Variants in PLCH1 observed in about 807,000 individuals in gnomAD.
PLCH1 encodes the protein 1-phosphatidylinositol 4,5-bisphosphate phosphodiesterase eta-1.
A neutral mutation model predicts 126.7 loss-of-function variants in PLCH1; 60 were observed. That is an observed-to-expected ratio of 0.47 (90% confidence interval 0.38 to 0.59). The LOEUF (loss-of-function observed/expected upper bound fraction) is 0.59. PLCH1 is among the 20% of genes least tolerant of loss of function. The pLI is 0.00. For synonymous variants in PLCH1, 719 were observed against 734.9 expected (o/e 0.98, Z 0.35); for missense variants, 1,723 against 2,040.0 (o/e 0.84, Z 2.99).
At chr3:155,538,741 A>G (rs764267517) in intron 10 of PLCH1, among the ~76,000 whole-genome samples, 7 of 152,040 alleles carry the variant, frequency 4.6e-5, no homozygotes, top group African/African-American at 7.2e-5. Flanking sequence ...AAGCAGTCCG[A>G]CTGAAATGCT....
At chr3:155,604,178 T>G (rs769698003) in intron 2 of PLCH1, among the ~76,000 whole-genome samples, 8 of 151,774 alleles carry the variant, frequency 5.3e-5, no homozygotes, top group African/African-American at 1.9e-4. Context: ...ATATATAAAC[T>G]AATTATTATA....
chr3:155,645,555 C>A (rs2108872957), intron 2 of PLCH1, among the ~76,000 whole-genome samples: 1 of 152,330 alleles, frequency 6.6e-6, no homozygotes, highest in South Asian at 2.1e-4. Context: ...CAGCTTACTG[C>A]AGCCTCAACC....
At chr3:155,523,345 A>C (rs1341661637) in intron 11 of PLCH1, among the ~76,000 whole-genome samples, 2 of 152,006 alleles carry the variant, frequency 1.3e-5, no homozygotes, top group African/African-American at 4.8e-5. Context: ...AGTGAGTAAC[A>C]AACTATTCCA....
At chr3:155,713,633 C>G (rs1417182145) in intron 1 of PLCH1, among the ~76,000 whole-genome samples, 1 of 152,144 alleles carries the variant, frequency 6.6e-6, no homozygotes, top group Non-Finnish European at 1.5e-5. Flanking sequence ...GTTCATGGGA[C>G]ATAGTAAGGT....
At chr3:155,472,306 A>G (rs905529883) in intron 21 of PLCH1, among the ~76,000 whole-genome samples, 27 of 152,174 alleles carry the variant, frequency 1.8e-4, no homozygotes, top group African/African-American at 6.0e-4. Context: ...ACAACTCTAC[A>G]CAAATAAACT....
At chr3:155,673,989 C>T (rs553545488) in intron 2 of PLCH1, among the ~76,000 whole-genome samples, 1 of 152,302 alleles carries the variant, frequency 6.6e-6, no homozygotes, top group East Asian at 1.9e-4. Flanking sequence ...TTCTATCTTT[C>T]AAATGCTTTC....
intron 1 of PLCH1, among the ~76,000 whole-genome samples, chr3:155,712,914 C>T (rs1188773094): frequency 1.3e-5 from 2 of 151,508 alleles, no homozygotes; most frequent in Non-Finnish European, 2.9e-5. Context: ...AACCAATACT[C>T]CCTTTACATT....
chr3:155,695,286 T>C (rs1422368267), intron 2 of PLCH1, among the ~76,000 whole-genome samples: 3 of 152,246 alleles, frequency 2.0e-5, no homozygotes, highest in Admixed American at 1.3e-4. Flanking sequence ...GCATTTGTAA[T>C]ATACAGTCTT....
At chr3:155,708,778 G>A (rs950862068) in intron 1 of PLCH1, among the ~76,000 whole-genome samples, 12 of 151,910 alleles carry the variant, frequency 7.9e-5, no homozygotes, top group African/African-American at 2.4e-4. Flanking sequence ...CCTCCTAAGA[G>A]GTCTAGGTAA....
intron 13 of PLCH1, among the ~76,000 whole-genome samples, chr3:155,502,954 A>G (rs1718123214): frequency 6.6e-6 from 1 of 152,248 alleles, no homozygotes. Flanking sequence ...AAGTAGAAGA[A>G]ATGGCCTTAC....
intron 7 of PLCH1, among the ~76,000 whole-genome samples, chr3:155,567,104 A>T (rs1242258814): frequency 1.3e-5 from 2 of 152,030 alleles, no homozygotes; most frequent in Non-Finnish European, 2.9e-5. Flanking sequence ...ACAGAGTCTC[A>T]CTCTGTCACC....
chr3:155,670,194 G>A (rs1202838063), intron 2 of PLCH1, among the ~76,000 whole-genome samples: 2 of 151,838 alleles, frequency 1.3e-5, no homozygotes, highest in Non-Finnish European at 2.9e-5. Context: ...ACATAAAGAT[G>A]AAATGCAAAG....
chr3:155,525,510 G>A (rs1721781208), intron 10 of PLCH1, among the ~76,000 whole-genome samples: 1 of 152,102 alleles, frequency 6.6e-6, no homozygotes, highest in Non-Finnish European at 1.5e-5. Flanking sequence ...CCAGTCCAAG[G>A]TGGTTTTGTT....
chr3:155,678,724 A>C (rs1440247112), intron 2 of PLCH1, among the ~76,000 whole-genome samples: 1 of 152,122 alleles, frequency 6.6e-6, no homozygotes, highest in East Asian at 1.9e-4. Context: ...CAGCCTTAGA[A>C]TCTTTAATTT....
chr3:155,721,672 T>C (rs1054682645), intron 1 of PLCH1, among the ~76,000 whole-genome samples: 23 of 152,330 alleles, frequency 1.5e-4, no homozygotes, highest in Middle Eastern at 6.8e-3. Flanking sequence ...TTAGACTTCC[T>C]CTTTACCAAC....
chr3:155,646,040 A>G (rs1740007466), intron 2 of PLCH1, among the ~76,000 whole-genome samples: 1 of 152,010 alleles, frequency 6.6e-6, no homozygotes, highest in Non-Finnish European at 1.5e-5. Flanking sequence ...CAGGTTTGAG[A>G]GACTGATAAA....
chr3:155,697,674 A>C (rs940265562), intron 2 of PLCH1, among the ~76,000 whole-genome samples: 1 of 152,140 alleles, frequency 6.6e-6, no homozygotes, highest in Admixed American at 6.5e-5. Context: ...CGGAGAGAAG[A>C]GAAAGGGCAG....
rs1295589570 is a variant in PLCH1 at position 155,604,408 on chromosome 3, G to A, written c.80-8030C>T. 4.6e-5 allele frequency among the ~76,000 whole-genome samples: 7 copies of A among 152,186 alleles called. No homozygotes were observed. The South Asian group carries it at 1.5e-3, about 32-fold the overall frequency. On this transcript the variant is annotated intron_variant, in intron 2 of 22. Transcript: ENST00000460012. ...TTTTTTCATTGCCTAAATCATTCCT[G>A]TGGAGAAGACAAGATTATTTAAAAG...
At chr3:155,654,908 T>C (rs1310273725) in intron 2 of PLCH1, among the ~76,000 whole-genome samples, 2 of 152,232 alleles carry the variant, frequency 1.3e-5, no homozygotes, top group Non-Finnish European at 1.5e-5. Context: ...GCTGCTTCTC[T>C]GACTCATCTT....
Sources: gnomAD v4.1 joint callset for allele counts (sites outside exome capture counted in the v4.1 genomes callset) on GRCh38, gnomAD v4.1.1 for gene constraint, MANE v1.5 for transcripts, NCBI Gene and HGNC (gene_info 2026-07-23, HGNC 2026-07-21) for gene names.